Variants in ENPP3 observed in about 807,000 individuals in gnomAD.
ENPP3 encodes ectonucleotide pyrophosphatase/phosphodiesterase 3.
Under a neutral mutation model 117.8 loss-of-function variants are expected in ENPP3, and 104 were observed. That is an observed-to-expected ratio of 0.88 (90% confidence interval 0.75 to 1.04). The LOEUF is 1.04. ENPP3 is among the 50% of genes least tolerant of loss of function. ENPP3 has a pLI of 0.00. For synonymous variants in ENPP3, 380 were observed against 349.9 expected (o/e 1.09, Z -0.96); for missense variants, 1,026 against 1,051.9 (o/e 0.98, Z 0.34).
intron 2 of ENPP3, among the ~76,000 whole-genome samples, chr6:131,641,805 T>G (rs1370120524): frequency 8.2e-6 from 1 of 122,120 alleles, no homozygotes; most frequent in Non-Finnish European, 1.6e-5. Context: ...CCTGGTTTTT[T>G]TTTTTTTTTT....
At chr6:131,670,266 A>G (rs1440482185) in intron 6 of ENPP3, among the ~76,000 whole-genome samples, 3 of 152,232 alleles carry the variant, frequency 2.0e-5, no homozygotes, top group African/African-American at 7.2e-5. Context: ...TTGTCTAGAC[A>G]GTAGTGTTGA....
At chr6:131,640,109 G>A (rs1778010656) in intron 1 of ENPP3, among the ~76,000 whole-genome samples, 1 of 152,202 alleles carries the variant, frequency 6.6e-6, no homozygotes, top group Admixed American at 6.5e-5. Flanking sequence ...AAGTTTTAAA[G>A]CATCTTAAGA....
rs1778229831 is a variant in ENPP3, at chr6:131,650,040, G to A, written c.168G>A (p.Lys56=). 1.2e-6 allele frequency: 2 copies of A among 1,613,882 alleles called. No homozygotes were observed. The highest frequency in any genetic ancestry group is 2.7e-5 in the African/African-American group (2 of 74,898). Residue 56 remains lysine, a synonymous_variant, in exon 3 of 25, where the codon AAG becomes AAA. Coordinates refer to ENST00000357639, the MANE Select transcript of ENPP3 (RefSeq NM_005021.5). ...RKLEKQGSCR[K]KCFDASFRGL... is the part of the protein sequence containing the mutation. ...TTTACTTTGTAGGCAGCTGCAGGAA[G>A]AAGTGCTTTGATGCATCATTTAGAG...
chr6:131,646,714 C>T (rs1778160069), intron 2 of ENPP3, among the ~76,000 whole-genome samples: 1 of 150,234 alleles, frequency 6.7e-6, no homozygotes, highest in South Asian at 2.1e-4. Context: ...CTGGGACCTC[C>T]CTTCTAGGGT....
At chr6:131,670,153 T>C (rs1021347111) in intron 6 of ENPP3, among the ~76,000 whole-genome samples, 7 of 152,220 alleles carry the variant, frequency 4.6e-5, no homozygotes, top group African/African-American at 1.4e-4. Flanking sequence ...CCTGGTCTAA[T>C]GGAAACTGTA....
At position 131,685,398 on chromosome 6, in the gene ENPP3, C is replaced by G. The variant is rs200773947; in HGVS notation, c.1155C>G (p.Tyr385Ter). 1 of 1,611,980 alleles carries G rather than the reference C, an allele frequency of 6.2e-7. No individual in the cohort carries two copies. Among genetic ancestry groups the G allele is most frequent in the East Asian group, 2.2e-5 (1 of 44,876 alleles). ...AGACTTATTGTAACAAGATGGAATA[C>G]ATGACTGATTATTTTCCCAGAATAA... The part of the protein sequence containing the change: ...MDQTYCNKME[Y>*]MTDYFPRINF... The change falls in exon 13 of 25, where the codon TAC (tyrosine) becomes TAG (stop). Residue 385 changes from tyrosine (Y) to a stop codon, truncating the protein, a stop_gained. Coordinates refer to ENST00000357639, the MANE Select transcript of ENPP3 (RefSeq NM_005021.5). LOFTEE classifies it high-confidence loss of function.
intron 16 of ENPP3, among the ~76,000 whole-genome samples, chr6:131,720,067 G>T (rs1232254125): frequency 6.6e-6 from 1 of 152,138 alleles, no homozygotes; most frequent in East Asian, 1.9e-4. Flanking sequence ...CTATGGAGGT[G>T]GGTAGAGACA....
chr6:131,689,976 G>A (rs912437190), intron 14 of ENPP3, among the ~76,000 whole-genome samples: 1 of 152,324 alleles, frequency 6.6e-6, no homozygotes, highest in South Asian at 2.1e-4. Flanking sequence ...CAGAAATGGA[G>A]CCTGAAGCTG....
In ENPP3 at chr6:131,737,438, T is replaced by G. The variant is rs189707320; in HGVS notation, c.2167+6T>G. ...TATGTATGAAGAATTCAGAAGTAAG[T>G]ATGAATTTAGAGTATTAATTTTAAA... On this transcript the variant is annotated splice_donor_region_variant and intron_variant, in intron 22 of 24. Coordinates refer to ENST00000357639, the MANE Select transcript of ENPP3 (RefSeq NM_005021.5). The G allele has an allele frequency of 6.7e-7, 1 of 1,486,038 alleles. No homozygotes were observed. The highest frequency in any genetic ancestry group is 1.7e-5 in the Admixed American group (1 of 58,748). 92.1% of individuals were successfully genotyped at this position (1,486,038 alleles called of 1,614,324 possible).
chr6:131,656,810 C>T (rs1778394932), intron 5 of ENPP3, among the ~76,000 whole-genome samples: 1 of 151,514 alleles, frequency 6.6e-6, no homozygotes, highest in Non-Finnish European at 1.5e-5. Context: ...GAAATGTGAT[C>T]TTTATGAATT....
intron 9 of ENPP3, chr6:131,675,447 G>T (rs1251499336): frequency 4.2e-5 from 15 of 353,744 alleles, no homozygotes; most frequent in Non-Finnish European, 6.8e-5. Context: ...TCTCTTGCCT[G>T]TATTAACTGC....
Position 131,685,514 on chromosome 6 carries a change from A to G in ENPP3, c.1252+19A>G, listed in dbSNP as rs1031344390. The G allele has an allele frequency of 3.1e-6, 5 of 1,607,862 alleles. No homozygotes were observed. The South Asian group carries it at 3.3e-5, about 11-fold the overall frequency. On this transcript the variant is annotated intron_variant, in intron 13 of 24. Transcript: ENST00000357639. ...TTTAGTTGTAAGTATGAAGACACCT[A>G]TATGAAAAAAAGGGTAAACCTGAAA...
rs747494963 is a variant in ENPP3, at chr6:131,738,167, A to T, written c.2300+4A>T. ...ATGCTCCAGATGAAATTACCAAGTA[A>T]GTGATTTGACTTTTTGATTTATCAA... is the stretch of plus-strand genomic sequence containing the variant. On this transcript the variant is annotated splice_donor_region_variant and intron_variant, in intron 23 of 24. Coordinates refer to ENST00000357639, the MANE Select transcript of ENPP3 (RefSeq NM_005021.5). 3.1e-6 allele frequency: 5 copies of T among 1,609,902 alleles called. No individual in the cohort carries two copies. The highest frequency in any genetic ancestry group is 4.2e-6 in the Non-Finnish European group (5 of 1,178,120).
chr6:131,744,707 G>T (rs982136378), intron 24 of ENPP3, among the ~76,000 whole-genome samples: 1 of 151,940 alleles, frequency 6.6e-6, no homozygotes, highest in Admixed American at 6.6e-5. Context: ...TAAGAACGTG[G>T]ATAGGGCAGA....
At chr6:131,649,934 C>G (rs1449643731) in intron 2 of ENPP3, 93 bp from the exon 3 acceptor site, 1 of 1,322,508 alleles carries the variant, frequency 7.6e-7, no homozygotes, top group African/African-American at 1.5e-5. Flanking sequence ...CTGTCATAGT[C>G]TGTGCTGTGT....
At chr6:131,641,355 C>T (rs191548148) in intron 1 of ENPP3, 100 bp from the exon 2 acceptor site, 381 of 664,810 alleles carry the variant, frequency 5.7e-4, no homozygotes, top group Admixed American at 1.9e-3. Flanking sequence ...ATAACTAGTA[C>T]GCTGCAGGTA....
At chr6:131,727,286 T>C (rs563482120) in intron 20 of ENPP3, among the ~76,000 whole-genome samples, 2 of 152,282 alleles carry the variant, frequency 1.3e-5, no homozygotes, top group South Asian at 4.1e-4. Context: ...CCAGGCACAG[T>C]GGCTTATGCC....
intron 24 of ENPP3, among the ~76,000 whole-genome samples, chr6:131,741,679 T>C (rs1396169980): frequency 6.6e-5 from 10 of 152,112 alleles, no homozygotes; most frequent in Non-Finnish European, 1.2e-4. Context: ...TGAATCAGAT[T>C]TGAATGTTAG....
At chr6:131,647,521 T>TA (rs1464297287) in intron 2 of ENPP3, among the ~76,000 whole-genome samples, 2 of 152,134 alleles carry the variant, frequency 1.3e-5, no homozygotes, top group Admixed American at 1.3e-4. Context: ...TTAATTAATT[T>TA]AAGATTTTAA....
Sources: gnomAD v4.1 joint callset for allele counts (sites outside exome capture counted in the v4.1 genomes callset) on GRCh38, gnomAD v4.1.1 for gene constraint, MANE v1.5 for transcripts, NCBI Gene and HGNC (gene_info 2026-07-23, HGNC 2026-07-21) for gene names.